Variants in AMBRA1 observed in about 807,000 individuals in gnomAD.
The protein encoded by AMBRA1 is activating molecule in BECN1-regulated autophagy protein 1.
In AMBRA1, 47 loss-of-function variants were observed where a neutral mutation model predicts 125.4. That is an observed-to-expected ratio of 0.37 (90% CI 0.30 to 0.48). AMBRA1 has a LOEUF of 0.48. Ranked by LOEUF, AMBRA1 falls within the 20% of genes least tolerant of loss-of-function variation. The probability of loss-of-function intolerance (pLI) is 0.99; values close to 1 mark genes in which losing one functional copy is unlikely to be tolerated. For missense variants in AMBRA1, 1,331 were observed against 1,693.4 expected, an observed-to-expected ratio of 0.79 and a Z score of 3.76; for synonymous variants, 626 against 655.5, an observed-to-expected ratio of 0.95 and a Z score of 0.69.
chr11:46,512,413 A>G (rs1951294546), intron 8 of AMBRA1, among the ~76,000 whole-genome samples: 1 of 152,198 alleles, frequency 6.6e-6, no homozygotes, highest in Non-Finnish European at 1.5e-5. Flanking sequence ...CATCTGAATG[A>G]CAACAGCCTC....
At chr11:46,484,454 A>AT (rs1950192897) in intron 11 of AMBRA1, among the ~76,000 whole-genome samples, 1 of 152,316 alleles carries the variant, frequency 6.6e-6, no homozygotes, top group South Asian at 2.1e-4. Context: ...CAACCATGGG[A>AT]TTTAATAATC....
intron 14 of AMBRA1, among the ~76,000 whole-genome samples, chr11:46,428,271 ACACT>A (rs1947257044): frequency 6.6e-6 from 1 of 152,176 alleles, no homozygotes; most frequent in African/African-American, 2.4e-5. Context: ...TGTCTGGGTA[ACACT>A]CACTCAACTC....
chr11:46,505,898 AC>A (rs1951020198), intron 9 of AMBRA1, among the ~76,000 whole-genome samples: 1 of 152,174 alleles, frequency 6.6e-6, no homozygotes, highest in Admixed American at 6.5e-5. Context: ...ACATTTCACC[AC>A]TGCAAAAAGA....
intron 11 of AMBRA1, among the ~76,000 whole-genome samples, chr11:46,470,621 G>A (rs571341222): frequency 2.7e-5 from 4 of 150,702 alleles, no homozygotes; most frequent in Non-Finnish European, 4.4e-5. Context: ...AATTAGCCAG[G>A]TGTGGCACCA....
chr11:46,544,220 C>T (rs1045944329), intron 5 of AMBRA1, among the ~76,000 whole-genome samples, 179 bp from the exon 6 acceptor site: 3 of 152,212 alleles, frequency 2.0e-5, no homozygotes, highest in Non-Finnish European at 2.9e-5. Context: ...CTCAATACTT[C>T]TTGCCAGAGT....
chr11:46,588,459 T>A (rs1043923828), intron 1 of AMBRA1, among the ~76,000 whole-genome samples: 1 of 152,134 alleles, frequency 6.6e-6, no homozygotes, highest in Non-Finnish European at 1.5e-5. Flanking sequence ...TTTCACATAC[T>A]TTTTCTCAAT....
At chr11:46,437,060 T>C (rs1301627564) in intron 12 of AMBRA1, among the ~76,000 whole-genome samples, 1 of 152,206 alleles carries the variant, frequency 6.6e-6, no homozygotes, top group Admixed American at 6.5e-5. Flanking sequence ...TTAACGTTTA[T>C]TTTGGTCAAA....
At chr11:46,501,219 C>T (rs1207060794) in intron 9 of AMBRA1, among the ~76,000 whole-genome samples, 1 of 152,210 alleles carries the variant, frequency 6.6e-6, no homozygotes, top group Non-Finnish European at 1.5e-5. Context: ...CTGGCCATGG[C>T]CACTGTCTGA....
At position 46,434,626 on chromosome 11, in the gene AMBRA1, T is replaced by C. The variant is rs191959935; in HGVS notation, c.2821+223A>G. Among the ~76,000 whole-genome samples, 9 of 152,350 alleles carry C rather than the reference T, an allele frequency of 5.9e-5. 1 individual carries two copies. The highest frequency in any genetic ancestry group is 2.0e-4 in the Admixed American group (3 of 15,304). On this transcript the variant is annotated intron_variant, in intron 13 of 17. Transcript: ENST00000683756. Reference sequence around the variant, plus strand: ...CTACAACCACCTCCTCCCTTATTCCTGACCGTCGTAACAGGGGCATGCGGT... The same window carrying C: ...CTACAACCACCTCCTCCCTTATTCCCGACCGTCGTAACAGGGGCATGCGGT...
At chr11:46,536,209 C>A (rs1315829372) in intron 7 of AMBRA1, among the ~76,000 whole-genome samples, 1 of 152,236 alleles carries the variant, frequency 6.6e-6, no homozygotes, top group Non-Finnish European at 1.5e-5. Flanking sequence ...TACTGAGCAT[C>A]TACTGTGTGG....
chr11:46,462,964 G>A (rs1590870496), intron 11 of AMBRA1, among the ~76,000 whole-genome samples: 1 of 152,064 alleles, frequency 6.6e-6, no homozygotes, highest in Non-Finnish European at 1.5e-5. Context: ...ATATTGGCCA[G>A]GCTGGTCTCA....
At chr11:46,470,289 T>TA (rs1237851439) in intron 11 of AMBRA1, among the ~76,000 whole-genome samples, 3 of 151,818 alleles carry the variant, frequency 2.0e-5, no homozygotes, top group Non-Finnish European at 4.4e-5. Flanking sequence ...AAAAATTTTT[T>TA]AAAAAATCAG....
intron 1 of AMBRA1, among the ~76,000 whole-genome samples, chr11:46,574,643 A>T (rs2043888949): frequency 6.6e-6 from 1 of 152,178 alleles, no homozygotes; most frequent in Non-Finnish European, 1.5e-5. Flanking sequence ...AAACACCAAA[A>T]TGTAAAGCAG....
At chr11:46,545,530 A>C in intron 5 of AMBRA1, 74 bp downstream of exon 5, 4 of 1,527,404 alleles carry the variant, frequency 2.6e-6, no homozygotes, top group Non-Finnish European at 3.5e-6. Context: ...CTGACTTCCA[A>C]GGTGACAGCC....
At chr11:46,472,663 AT>A (rs1949647050) in intron 11 of AMBRA1, among the ~76,000 whole-genome samples, 1 of 152,222 alleles carries the variant, frequency 6.6e-6, no homozygotes, top group African/African-American at 2.4e-5. Context: ...CACAACATAC[AT>A]TTGAATACTA....
chr11:46,582,659 C>T (rs976453600), intron 1 of AMBRA1, among the ~76,000 whole-genome samples: 1 of 152,102 alleles, frequency 6.6e-6, no homozygotes, highest in African/African-American at 2.4e-5. Flanking sequence ...TAGCTATATA[C>T]CTTGGGCAAA....
chr11:46,528,896 G>A (rs552009725), intron 7 of AMBRA1, among the ~76,000 whole-genome samples: 172 of 152,252 alleles, frequency 1.1e-3, no homozygotes, highest in Non-Finnish European at 2.0e-3. Context: ...AGTAGAAGCT[G>A]GGCTACCTCT....
intron 1 of AMBRA1, among the ~76,000 whole-genome samples, chr11:46,565,226 C>A (rs1215218780): frequency 6.6e-6 from 1 of 151,820 alleles, no homozygotes; most frequent in Non-Finnish European, 1.5e-5. Context: ...CCATTGCACT[C>A]CAAGCCTGGG....
chr11:46,582,543 G>C (rs1177945444), intron 1 of AMBRA1, among the ~76,000 whole-genome samples: 2 of 152,126 alleles, frequency 1.3e-5, no homozygotes, highest in South Asian at 2.1e-4. Context: ...TATTGACCTA[G>C]TGTTTTAAAG....
Sources: allele counts gnomAD v4.1 joint callset (sites outside exome capture counted in the v4.1 genomes callset), GRCh38; gene constraint gnomAD v4.1.1; transcripts MANE v1.5; gene names NCBI Gene and HGNC (gene_info 2026-07-23, HGNC 2026-07-21).